Variants in NIPA2 observed in about 807,000 individuals in gnomAD.
NIPA2 encodes magnesium transporter NIPA2.
NIPA2 carries 11 observed loss-of-function variants against 29.7 expected under a neutral mutation model. The observed-to-expected ratio is 0.37, with a 90% confidence interval of 0.23 to 0.61. The LOEUF is 0.61. NIPA2 is among the 20% of genes least tolerant of loss of function. NIPA2 has a pLI of 0.66. For synonymous variants in NIPA2, 183 were observed against 161.9 expected (o/e 1.13, Z -0.99); for missense variants, 426 against 437.9 (o/e 0.97, Z 0.24).
At position 22,867,200 on chromosome 15, in the gene NIPA2, A is replaced by T; in HGVS notation, c.*353A>T. The T allele has an allele frequency of 2.4e-6, 1 of 422,164 alleles. No individual in the cohort carries two copies. Among genetic ancestry groups the T allele is most frequent in the Non-Finnish European group, 4.2e-6 (1 of 240,756 alleles). The allele number at this position is 422,164 out of a possible 1,614,324, so 26.2% of individuals were successfully genotyped here. A position where few individuals can be genotyped will look rare whatever the true frequency, so the allele number is the denominator to read the frequency against. On this transcript the variant is annotated 3_prime_UTR_variant, in exon 8 of 8. Coordinates refer to ENST00000337451, the MANE Select transcript of NIPA2 (RefSeq NM_030922.7). ...TCTGAAATGTGCATTTGTCATCCCC[A>T]CTCCATCAATCCCTGACCATGTAAG...
chr15:22,864,529 T>C (rs1287578571), intron 7 of NIPA2, among the ~76,000 whole-genome samples: 1 of 152,198 alleles, frequency 6.6e-6, no homozygotes, highest in Non-Finnish European at 1.5e-5. Context: ...TGGCTGGCTG[T>C]GGGCATCCTG....
rs1049780203 is a variant in NIPA2 at position 22,867,124 on chromosome 15, T to TGACA, written c.*279_*282dup. Reference sequence around the variant, plus strand: ...CTTCTCCAAAAGCCGAATGCACTAATGACAGTTTTAAGTCTATGAAAATGC... The same window carrying TGACA: ...CTTCTCCAAAAGCCGAATGCACTAATGACAGACAGTTTTAAGTCTATGAAAATGC... On this transcript the variant is annotated 3_prime_UTR_variant, in exon 8 of 8. Transcript: ENST00000337451. 3.3e-5 allele frequency: 16 copies of TGACA among 484,848 alleles called. No homozygotes were observed. The highest frequency in any genetic ancestry group is 7.6e-5 in the Admixed American group (2 of 26,488). The allele number at this position is 484,848 out of a possible 1,614,324, so 30.0% of individuals were successfully genotyped here. A position where few individuals can be genotyped will look rare whatever the true frequency, so the allele number is the denominator to read the frequency against.
In NIPA2 at chr15:22,866,506, G is replaced by T. The variant is rs774939953; in HGVS notation, c.742G>T (p.Val248Leu). ...RALDIFNTSI[V>L]TPIYYVFFTT... ...CCTGGATATATTCAACACTTCCATT[G>T]TGACTCCAATATATTATGTATTCTT... The change falls in exon 8 of 8, where the codon GTG (valine) becomes TTG (leucine). Residue 248 changes from valine (V) to leucine (L), a missense_variant. Around this residue, in one of 3 missense-constraint regions of NIPA2, gnomAD observed 357 missense variants for 339.8 expected, o/e 1.05. Coordinates refer to ENST00000337451, the MANE Select transcript of NIPA2 (RefSeq NM_030922.7). The T allele has an allele frequency of 6.2e-7, 1 of 1,613,776 alleles. No individual in the cohort carries two copies. Among genetic ancestry groups the T allele is most frequent in the Non-Finnish European group, 8.5e-7 (1 of 1,179,714 alleles).
intron 5 of NIPA2, among the ~76,000 whole-genome samples, chr15:22,853,868 C>T (rs184076399): frequency 3.9e-5 from 6 of 152,158 alleles, no homozygotes; most frequent in East Asian, 3.9e-4. Flanking sequence ...CTTGCTCTGT[C>T]GCCAGGCTGT....
intron 5 of NIPA2, among the ~76,000 whole-genome samples, chr15:22,854,886 T>G (rs1195902921): frequency 6.6e-6 from 1 of 152,204 alleles, no homozygotes; most frequent in Non-Finnish European, 1.5e-5. Flanking sequence ...ACAAGGCTTT[T>G]TTTTACCCAT....
At chr15:22,842,161 T>C (rs1897263371) in intron 2 of NIPA2, among the ~76,000 whole-genome samples, 3 of 152,158 alleles carry the variant, frequency 2.0e-5, no homozygotes, top group Non-Finnish European at 4.4e-5. Context: ...GTACCCCTGC[T>C]CCTAGAATAT....
At chr15:22,848,343 A>G (rs552482446) in intron 3 of NIPA2, among the ~76,000 whole-genome samples, 1 of 152,186 alleles carries the variant, frequency 6.6e-6, no homozygotes, top group East Asian at 1.9e-4. Flanking sequence ...CATCGGTTAC[A>G]TTTTAGGATG....
chr15:22,841,654 G>A (rs1449503439), intron 2 of NIPA2, among the ~76,000 whole-genome samples: 2 of 152,002 alleles, frequency 1.3e-5, no homozygotes, highest in Non-Finnish European at 2.9e-5. Context: ...GATTACAGGC[G>A]CCCGCCACCA....
At chr15:22,853,307 A>G (rs534030548) in intron 5 of NIPA2, 39 bp downstream of exon 5, 4 of 1,274,516 alleles carry the variant, frequency 3.1e-6, no homozygotes, top group Admixed American at 1.8e-5. Context: ...TATGATAGCT[A>G]TATATTAAAA....
Position 22,867,077 on chromosome 15 carries a change from G to A in NIPA2, c.*230G>A, listed in dbSNP as rs1485495708. ...TTTCTATTAACATTTTATTGTTGTA[G>A]AAGTATTTTACATTTTCATCCCTTC... is the stretch of plus-strand genomic sequence containing the variant. On this transcript the variant is annotated 3_prime_UTR_variant, in exon 8 of 8. Coordinates refer to ENST00000337451, the MANE Select transcript of NIPA2 (RefSeq NM_030922.7). 2.8e-5 allele frequency: 14 copies of A among 504,410 alleles called. No individual in the cohort carries two copies. The highest frequency in any genetic ancestry group is 4.8e-5 in the Non-Finnish European group (14 of 290,276). 31.2% of individuals were successfully genotyped at this position (504,410 alleles called of 1,614,324 possible).
chr15:22,864,082 T>A (rs1392279764), intron 7 of NIPA2, among the ~76,000 whole-genome samples: 3 of 152,118 alleles, frequency 2.0e-5, no homozygotes, highest in Non-Finnish European at 4.4e-5. Context: ...GAAGTTTTCC[T>A]CTGTCTACAT....
chr15:22,853,186 G>T, intron 4 of NIPA2, 26 bp from the exon 5 acceptor site: 1 of 1,527,472 alleles, frequency 6.5e-7, no homozygotes. Flanking sequence ...GTCTTCCAAA[G>T]ATGTGAAATA....
chr15:22,841,915 C>T (rs1479507121), intron 2 of NIPA2, among the ~76,000 whole-genome samples: 1 of 152,210 alleles, frequency 6.6e-6, no homozygotes, highest in African/African-American at 2.4e-5. Flanking sequence ...AGAGCCCCTG[C>T]ACTTGCTTCT....
chr15:22,842,023 C>G (rs1037196555), intron 2 of NIPA2, among the ~76,000 whole-genome samples: 1 of 152,204 alleles, frequency 6.6e-6, no homozygotes, highest in African/African-American at 2.4e-5. Context: ...TCCCCCAACT[C>G]AACTCCCCAG....
At chr15:22,852,769 T>G (rs2057871146) in intron 4 of NIPA2, among the ~76,000 whole-genome samples, 1 of 152,180 alleles carries the variant, frequency 6.6e-6, no homozygotes, top group Non-Finnish European at 1.5e-5. Flanking sequence ...TCACATTCCA[T>G]CATTCTATCC....
At position 22,868,036 on chromosome 15, in the gene NIPA2, A is replaced by G. The variant is rs1488063992; in HGVS notation, c.*1189A>G. 6.6e-6 allele frequency: 1 copy of G among 152,246 alleles called. No homozygotes were observed. The highest frequency in any genetic ancestry group is 1.5e-5 in the Non-Finnish European group (1 of 68,050). 9.4% of individuals were successfully genotyped at this position (152,246 alleles called of 1,614,324 possible). A position where few individuals can be genotyped will look rare whatever the true frequency, so the allele number is the denominator to read the frequency against. ...TGGGAAGAAAGTGTTCGCCTGTTCC[A>G]GCCTGTGGCTCCTGCCTGGAGGTTA... On this transcript the variant is annotated 3_prime_UTR_variant, in exon 8 of 8. Coordinates refer to ENST00000337451, the MANE Select transcript of NIPA2 (RefSeq NM_030922.7).
rs138806304 is a variant in NIPA2 at position 22,850,037 on chromosome 15, C to G, written c.-93-1602C>G. Among the ~76,000 whole-genome samples the G allele has an allele frequency of 3.3e-5, 5 of 151,962 alleles. No homozygotes were observed. The East Asian group carries it at 7.7e-4, about 23-fold the overall frequency. ...AGCAGATATAGTAATACAATGAGTC[C>G]CTGTGTACCCATCACCCAGCTTTTA... On this transcript the variant is annotated intron_variant, in intron 3 of 7. Coordinates refer to ENST00000337451, the MANE Select transcript of NIPA2 (RefSeq NM_030922.7).
intron 2 of NIPA2, among the ~76,000 whole-genome samples, chr15:22,842,803 T>TG (rs35712705): frequency 0.068 from 10,302 of 151,792 alleles, 1,204 homozygotes; most frequent in African/African-American, 0.23. Context: ...CACTCCAGCC[T>TG]GGGGGATAGA....
At chr15:22,855,742 A>T (rs186281571) in intron 5 of NIPA2, among the ~76,000 whole-genome samples, 1 of 152,260 alleles carries the variant, frequency 6.6e-6, no homozygotes, top group East Asian at 1.9e-4. Context: ...CCTCGCTGAA[A>T]GGTATTTGGG....
Sources: gnomAD v4.1 joint callset for allele counts (sites outside exome capture counted in the v4.1 genomes callset) on GRCh38, gnomAD v4.1.1 for gene constraint, gnomAD v4.1.1 regional missense constraint, MANE v1.5 for transcripts, NCBI Gene and HGNC (gene_info 2026-07-23, HGNC 2026-07-21) for gene names.